Variants in ACAP2 observed in about 807,000 individuals in gnomAD.
ACAP2 encodes arf-GAP with coiled-coil, ANK repeat and PH domain-containing protein 2.
A neutral mutation model predicts 115.8 loss-of-function variants in ACAP2; 39 were observed. The ratio of observed to expected loss-of-function variants is 0.34; its 90% CI spans 0.26 to 0.44. The LOEUF (loss-of-function observed/expected upper bound fraction) is 0.44. Ranked by LOEUF, ACAP2 falls within the 20% of genes least tolerant of loss-of-function variation. The pLI, the probability that ACAP2 is intolerant of heterozygous loss-of-function variation, is 1.00. For synonymous variants in ACAP2, 289 were observed against 315.8 expected, an observed-to-expected ratio of 0.92 and a Z score of 0.90; for missense variants, 662 against 927.6, an observed-to-expected ratio of 0.71 and a Z score of 3.72.
chr3:195,375,630 A>C lies in ACAP2; in HGVS notation c.285+5379T>G, dbSNP rs180928021. Reference sequence around the variant, plus strand: ...AGTTTGAGACCAGCCTGGACAACACAGCAAGACCCCATCTCAACAAAAAAA... The same window carrying C: ...AGTTTGAGACCAGCCTGGACAACACCGCAAGACCCCATCTCAACAAAAAAA... On this transcript the variant is annotated intron_variant, in intron 4 of 22. Transcript: ENST00000326793. 6.3e-3 allele frequency among the ~76,000 whole-genome samples: 956 copies of C among 152,148 alleles called. 8 individuals are homozygous for C. The highest frequency in any genetic ancestry group is 8.7e-3 in the Non-Finnish European group (592 of 67,990).
intron 15 of ACAP2, among the ~76,000 whole-genome samples, chr3:195,300,388 T>C (rs1193661567): frequency 1.3e-5 from 2 of 152,170 alleles, no homozygotes; most frequent in African/African-American, 2.4e-5. Context: ...CTCCAACCCT[T>C]AAACTCATCT....
At chr3:195,281,278 G>A (rs113429880) in intron 22 of ACAP2, among the ~76,000 whole-genome samples, 3,359 of 152,084 alleles carry the variant, frequency 0.022, 125 homozygotes, top group East Asian at 0.11. Flanking sequence ...GGTGGTGGGC[G>A]CCTGTAGTCC....
rs186810914 is a variant in ACAP2, at chr3:195,416,121, G to A, written c.54-23974C>T. ...CCAGCACTTTGGGAGGCCGAGGTGGGAGGATCATGAGGTAAGGAGTTCGAG... is the reference window on the plus strand; with the variant it reads ...CCAGCACTTTGGGAGGCCGAGGTGGAAGGATCATGAGGTAAGGAGTTCGAG... On this transcript the variant is annotated intron_variant, in intron 1 of 22. Transcript: ENST00000326793. Among the ~76,000 whole-genome samples the A allele has an allele frequency of 2.9e-4, 44 of 152,314 alleles. No homozygotes were observed. In the East Asian group the frequency reaches 4.6e-3, roughly 16 times the overall value.
intron 4 of ACAP2, among the ~76,000 whole-genome samples, chr3:195,352,519 C>A (rs1731681923): frequency 6.6e-6 from 1 of 152,184 alleles, no homozygotes; most frequent in African/African-American, 2.4e-5. Flanking sequence ...CCGTTTTACA[C>A]CTGGCTATTC....
chr3:195,358,807 G>A (rs1436743420), intron 4 of ACAP2, among the ~76,000 whole-genome samples: 1 of 152,078 alleles, frequency 6.6e-6, no homozygotes, highest in Admixed American at 6.6e-5. Context: ...GAAAATTTCT[G>A]AAACTGAGAG....
Position 195,332,133 on chromosome 3 carries a change from CAAA to C in ACAP2, c.669+892_669+894del, listed in dbSNP as rs538950489. On this transcript the variant is annotated intron_variant, in intron 8 of 22. Coordinates refer to ENST00000326793, the MANE Select transcript of ACAP2 (RefSeq NM_012287.6). Reference sequence around the variant, plus strand: ...TGGGTGACAGAGCAAGACTCCACCTCAAAAAAAAAAAAAAAAAATACTATTACA... The same window carrying C: ...TGGGTGACAGAGCAAGACTCCACCTCAAAAAAAAAAAAAAATACTATTACA... 1.4e-3 allele frequency among the ~76,000 whole-genome samples: 82 copies of C among 59,350 alleles called. No individual in the cohort carries two copies. In the East Asian group the frequency reaches 0.035, roughly 25 times the overall value. 38.9% of individuals were successfully genotyped at this position (59,350 alleles called of 152,430 possible). A position where few individuals can be genotyped will look rare whatever the true frequency, so the allele number is the denominator to read the frequency against.
chr3:195,376,318 T>C (rs565041346), intron 4 of ACAP2, among the ~76,000 whole-genome samples: 1 of 152,074 alleles, frequency 6.6e-6, no homozygotes, highest in Admixed American at 6.5e-5. Flanking sequence ...CACTTGAACC[T>C]GGGAAGTGGA....
intron 1 of ACAP2, among the ~76,000 whole-genome samples, chr3:195,438,670 A>C (rs116577408): frequency 0.015 from 2,295 of 152,296 alleles, 66 homozygotes; most frequent in African/African-American, 0.053. Context: ...CAGGAGTTGG[A>C]GAACAGCCTG....
At chr3:195,389,859 T>C (rs1734542021) in intron 2 of ACAP2, among the ~76,000 whole-genome samples, 1 of 152,198 alleles carries the variant, frequency 6.6e-6, no homozygotes, top group Non-Finnish European at 1.5e-5. Flanking sequence ...CCAACGCGGA[T>C]CCTGAAGTGC....
intron 4 of ACAP2, among the ~76,000 whole-genome samples, chr3:195,351,600 C>T (rs1419511268): frequency 2.6e-5 from 4 of 151,778 alleles, no homozygotes; most frequent in Admixed American, 6.6e-5. Context: ...CAGTTGGGAC[C>T]ACAGGCGCCC....
chr3:195,420,371 C>T (rs565652465), intron 1 of ACAP2, among the ~76,000 whole-genome samples: 10 of 152,096 alleles, frequency 6.6e-5, no homozygotes, highest in South Asian at 4.1e-4. Flanking sequence ...TTTTTTGAGA[C>T]GGAGTCTCAC....
At chr3:195,294,538 G>A (rs1472491197) in intron 18 of ACAP2, among the ~76,000 whole-genome samples, 181 bp downstream of exon 18, 30 of 141,488 alleles carry the variant, frequency 2.1e-4, no homozygotes, top group East Asian at 6.2e-4. Flanking sequence ...AGATCGTACC[G>A]CTGCACTCCA....
At chr3:195,379,712 G>A (rs1212000240) in intron 4 of ACAP2, among the ~76,000 whole-genome samples, 2 of 152,236 alleles carry the variant, frequency 1.3e-5, no homozygotes, top group South Asian at 2.1e-4. Flanking sequence ...GCTACAGTAA[G>A]AGGATCACTT....
At chr3:195,363,607 T>G (rs1339649217) in intron 4 of ACAP2, among the ~76,000 whole-genome samples, 1 of 146,584 alleles carries the variant, frequency 6.8e-6, no homozygotes, top group East Asian at 2.2e-4. Context: ...TCCTAAAAAT[T>G]TATATGAAAC....
intron 1 of ACAP2, among the ~76,000 whole-genome samples, chr3:195,437,896 T>TC (rs548897622): frequency 2.0e-5 from 3 of 148,674 alleles, no homozygotes; most frequent in Non-Finnish European, 4.5e-5. Context: ...TTTTTTTTTT[T>TC]TTTTTTTTTC....
intron 4 of ACAP2, among the ~76,000 whole-genome samples, chr3:195,347,500 T>G (rs971607632): frequency 5.3e-5 from 8 of 152,140 alleles, no homozygotes; most frequent in African/African-American, 1.9e-4. Flanking sequence ...AGAAAAAGCA[T>G]AACTACTTTA....
chr3:195,414,231 C>T (rs1713528847), intron 1 of ACAP2, among the ~76,000 whole-genome samples: 1 of 152,150 alleles, frequency 6.6e-6, no homozygotes, highest in Non-Finnish European at 1.5e-5. Context: ...ATTGCACAGC[C>T]ATTTTGGAAG....
chr3:195,331,365 T>C (rs917567385), intron 8 of ACAP2, among the ~76,000 whole-genome samples: 1 of 151,572 alleles, frequency 6.6e-6, no homozygotes, highest in Non-Finnish European at 1.5e-5. Context: ...AGAGTTTCCC[T>C]CTGTCACCCA....
chr3:195,422,724 G>A (rs917875552), intron 1 of ACAP2, among the ~76,000 whole-genome samples: 1 of 151,998 alleles, frequency 6.6e-6, no homozygotes, highest in Non-Finnish European at 1.5e-5. Context: ...ATGCAAATCT[G>A]AACATGTCAC....
Sources: gnomAD v4.1 joint callset for allele counts (sites outside exome capture counted in the v4.1 genomes callset) on GRCh38, gnomAD v4.1.1 for gene constraint, MANE v1.5 for transcripts, NCBI Gene and HGNC (gene_info 2026-07-23, HGNC 2026-07-21) for gene names.